The following PCDHA10 variants were observed in gnomAD, a reference collection of about 807,000 sequenced individuals.
The protein encoded by PCDHA10 is protocadherin alpha 10, also known as protocadherin alpha-10.
PCDHA10 carries 45 observed loss-of-function variants against 61.2 expected under a neutral mutation model. That is an observed-to-expected ratio of 0.74 (90% CI 0.58 to 0.94). PCDHA10 has a LOEUF of 0.94. PCDHA10 is among the 40% of genes least tolerant of loss of function. The pLI is 0.00. For synonymous variants in PCDHA10, 602 were observed against 548.8 expected (o/e 1.10, Z -1.35); for missense variants, 1,278 against 1,236.2 (o/e 1.03, Z -0.51).
chr5:140,979,514 C>G lies in PCDHA10; in HGVS notation c.2447+507C>G, dbSNP rs75440413. On this transcript the variant is annotated intron_variant, in intron 2 of 3. Transcript: ENST00000307360. Reference sequence around the variant, plus strand: ...ATTAGAGCCTCCTCATCTTTCCCATCTGTTGCTATCTTATTGTCATCAATG... The same window carrying G: ...ATTAGAGCCTCCTCATCTTTCCCATGTGTTGCTATCTTATTGTCATCAATG... 4.7e-4 allele frequency among the ~76,000 whole-genome samples: 71 copies of G among 152,274 alleles called. 1 individual carries two copies. In the East Asian group the frequency reaches 0.014, roughly 29 times the overall value.
At chr5:140,889,677 A>C (rs2062337974) in intron 1 of PCDHA10, among the ~76,000 whole-genome samples, 1 of 152,018 alleles carries the variant, frequency 6.6e-6, no homozygotes, top group Non-Finnish European at 1.5e-5. Flanking sequence ...TTTTATTTTA[A>C]ACCTTTTAGT....
chr5:140,936,619 T>C (rs2153629684), intron 1 of PCDHA10, among the ~76,000 whole-genome samples: 1 of 152,366 alleles, frequency 6.6e-6, no homozygotes, highest in East Asian at 1.9e-4. Context: ...TACTGTGCAG[T>C]GCTACCTTTG....
chr5:140,883,782 C>T (rs1434451644), intron 1 of PCDHA10: 1 of 1,612,468 alleles, frequency 6.2e-7, no homozygotes, highest in African/African-American at 1.3e-5. Flanking sequence ...CGTGCGCTGT[C>T]GAGCTACGTG....
At chr5:140,969,968 G>A (rs935403265) in intron 1 of PCDHA10, among the ~76,000 whole-genome samples, 2 of 152,200 alleles carry the variant, frequency 1.3e-5, no homozygotes, top group Non-Finnish European at 2.9e-5. Flanking sequence ...GCTGTATGAT[G>A]TGGCAACTCT....
chr5:140,887,835 C>A (rs2061600577), intron 1 of PCDHA10, among the ~76,000 whole-genome samples: 1 of 152,106 alleles, frequency 6.6e-6, no homozygotes, highest in Admixed American at 6.6e-5. Context: ...TTTTGAATAT[C>A]TTTTATTGAC....
intron 3 of PCDHA10, among the ~76,000 whole-genome samples, chr5:140,984,016 T>G (rs2153832874): frequency 6.6e-6 from 1 of 152,280 alleles, no homozygotes; most frequent in Non-Finnish European, 1.5e-5. Context: ...TATTGCCAGA[T>G]TGCAAGGGGA....
At chr5:140,982,380 C>A in intron 2 of PCDHA10, 95 bp from the exon 3 acceptor site, 1 of 1,577,206 alleles carries the variant, frequency 6.3e-7, no homozygotes, top group South Asian at 1.2e-5. Context: ...AGCTGCAGCC[C>A]TGGCTTCATA....
chr5:140,869,030 T>C (rs1049032233), intron 1 of PCDHA10: 5 of 1,526,396 alleles, frequency 3.3e-6, no homozygotes, highest in Non-Finnish European at 4.4e-6. Flanking sequence ...TTCAACGAGA[T>C]TTTTAACCTG....
intron 3 of PCDHA10, among the ~76,000 whole-genome samples, chr5:140,992,987 C>G (rs1259400627): frequency 6.6e-6 from 1 of 152,158 alleles, no homozygotes; most frequent in East Asian, 1.9e-4. Context: ...GGCCATGGGA[C>G]CCATGAAAGA....
intron 1 of PCDHA10, among the ~76,000 whole-genome samples, chr5:140,922,956 T>G (rs2081088317): frequency 6.6e-6 from 1 of 152,236 alleles, no homozygotes; most frequent in Non-Finnish European, 1.5e-5. Context: ...CCAGTTTGTC[T>G]TCAGCCAGTG....
chr5:140,966,906 C>A, intron 1 of PCDHA10: 1 of 1,600,938 alleles, frequency 6.2e-7, no homozygotes, highest in African/African-American at 1.3e-5. Flanking sequence ...CTGCGATACT[C>A]TGTGCCAGAG....
intron 1 of PCDHA10, chr5:140,969,237 C>T (rs1278018540): frequency 6.2e-7 from 1 of 1,614,156 alleles, no homozygotes; most frequent in African/African-American, 1.3e-5. Flanking sequence ...GGAGCCCAAG[C>T]AGCAGTGACT....
At chr5:140,983,470 A>G (rs782117929) in intron 3 of PCDHA10, among the ~76,000 whole-genome samples, 16 of 152,224 alleles carry the variant, frequency 1.1e-4, no homozygotes, top group Non-Finnish European at 1.5e-4. Context: ...CATCATGATG[A>G]TAATAGTAGT....
intron 1 of PCDHA10, among the ~76,000 whole-genome samples, chr5:140,897,778 T>C (rs1402383058): frequency 2.0e-5 from 3 of 152,208 alleles, no homozygotes; most frequent in Non-Finnish European, 2.9e-5. Context: ...ACTTCCACAA[T>C]GGTTGAACTA....
chr5:140,983,548 T>C (rs1479703561), intron 3 of PCDHA10, among the ~76,000 whole-genome samples: 1 of 152,212 alleles, frequency 6.6e-6, no homozygotes, highest in African/African-American at 2.4e-5. Context: ...GTCTCATTTA[T>C]TCCTTAAGTC....
intron 2 of PCDHA10, 141 bp downstream of exon 2, chr5:140,979,148 C>G: frequency 6.9e-7 from 1 of 1,441,158 alleles, no homozygotes; most frequent in South Asian, 1.5e-5. Context: ...TTATTTTGTC[C>G]CCATGTTTAT....
intron 3 of PCDHA10, among the ~76,000 whole-genome samples, chr5:141,001,177 T>G (rs2097996689): frequency 6.6e-6 from 1 of 152,154 alleles, no homozygotes; most frequent in Non-Finnish European, 1.5e-5. Context: ...TAACGAGTTT[T>G]TACTTTGCAC....
At chr5:140,946,752 A>C (rs1470208958) in intron 1 of PCDHA10, among the ~76,000 whole-genome samples, 1 of 151,470 alleles carries the variant, frequency 6.6e-6, no homozygotes, top group East Asian at 1.9e-4. Context: ...CAAATACTGC[A>C]TGATCTCATT....
At position 140,862,713 on chromosome 5, in the gene PCDHA10, C is replaced by A. The variant is rs573467283; in HGVS notation, c.2388+4277C>A. 517 of 561,852 alleles carry A rather than the reference C, an allele frequency of 9.2e-4. 1 individual carries two copies. The highest frequency in any genetic ancestry group is 1.7e-3 in the Non-Finnish European group (476 of 284,834). 34.8% of individuals were successfully genotyped at this position (561,852 alleles called of 1,614,324 possible). ...ACTCGTTGATGGAACAGCGGGTGGG[C>A]GAGTGCGCGCTGTCTAGCTATGTGT... On this transcript the variant is annotated intron_variant, in intron 1 of 3. Transcript: ENST00000307360.
Sources: allele counts gnomAD v4.1 joint callset (sites outside exome capture counted in the v4.1 genomes callset), GRCh38; gene constraint gnomAD v4.1.1; transcripts MANE v1.5; gene names NCBI Gene and HGNC (gene_info 2026-07-23, HGNC 2026-07-21).